Variants in POLD1 observed in about 807,000 individuals in gnomAD.
POLD1 encodes DNA polymerase delta 1, catalytic subunit, also known as DNA polymerase delta catalytic subunit.
Under a neutral mutation model 129.7 loss-of-function variants are expected in POLD1, and 79 were observed. The ratio of observed to expected loss-of-function variants is 0.61; its 90% CI spans 0.51 to 0.73. The LOEUF (loss-of-function observed/expected upper bound fraction) is 0.73. POLD1 is among the 30% of genes least tolerant of loss of function. The pLI is 0.00. For synonymous variants in POLD1, 714 were observed against 683.3 expected, an observed-to-expected ratio of 1.04 and a Z score of -0.70; for missense variants, 1,338 against 1,595.8, an observed-to-expected ratio of 0.84 and a Z score of 2.75.
rs745941251 is a variant in POLD1, at chr19:50,398,917, C to G, written c.66C>G (p.Leu22=). 1 of 1,598,296 alleles carries G rather than the reference C, an allele frequency of 6.3e-7. No homozygotes were observed. Among genetic ancestry groups the G allele is most frequent in the East Asian group, 2.3e-5 (1 of 44,402 alleles). Residue 22 remains leucine (L), a synonymous_variant, in exon 2 of 27, where the codon CTC becomes CTG. Transcript: ENST00000440232. ...CCCCAAAGCGGGCCCGTGGGGGCCT[C>G]TGGGATGATGATGATGCACCTCGGC... is the stretch of plus-strand genomic sequence containing the variant. The part of the protein sequence containing the change: ...GVPPKRARGG[L]WDDDDAPRPS...
intron 3 of POLD1, among the ~76,000 whole-genome samples, chr19:50,400,522 ATTT>A (rs1016107364): frequency 0.014 from 875 of 63,300 alleles, 5 homozygotes; most frequent in African/African-American, 0.069. Context: ...TGCCCCGCCT[ATTT>A]TTTTTTTTTT....
intron 20 of POLD1, 148 bp downstream of exon 20, chr19:50,415,138 G>T: frequency 1.4e-6 from 1 of 738,510 alleles, no homozygotes; most frequent in South Asian, 2.2e-5. Context: ...CGGGGTCAGG[G>T]CCCCCAGCCC....
At chr19:50,386,876 G>A (rs1369838387) in intron 1 of POLD1, among the ~76,000 whole-genome samples, 1 of 152,198 alleles carries the variant, frequency 6.6e-6, no homozygotes, top group East Asian at 1.9e-4. Flanking sequence ...GGGCAACATA[G>A]CAAGACCCTG....
chr19:50,407,075 G>A lies in POLD1; in HGVS notation c.1587G>A (p.Leu529=), dbSNP rs148226884. The A allele has an allele frequency of 3.1e-6, 5 of 1,613,832 alleles. No homozygotes were observed. The highest frequency in any genetic ancestry group is 4.2e-6 in the Non-Finnish European group (5 of 1,180,024). ...GGCTGCTGGAGCGGCTCATGGTGCTGGTGAACGCCGTGGAGATGGCGAGGG... is the reference window on the plus strand; with the variant it reads ...GGCTGCTGGAGCGGCTCATGGTGCTAGTGAACGCCGTGGAGATGGCGAGGG... ...PLRLLERLMV[L]VNAVEMARVT... is the part of the protein sequence containing the mutation. Residue 529 remains leucine (L), a synonymous_variant, in exon 13 of 27, where the codon CTG becomes CTA. Coordinates refer to ENST00000440232, the MANE Select transcript of POLD1 (RefSeq NM_002691.4).
chr19:50,409,634 G>T lies in POLD1; in HGVS notation c.2122G>T (p.Val708Leu). ...NSVYGFTGAQ[V>L]GKLPCLEISQ... ...CGTATACGGCTTCACTGGCGCCCAG[G>T]TGGGCAAGTTGCCGTGCCTGGAGAT... The change falls in exon 17 of 27, where the codon GTG becomes TTG. Residue 708 changes from valine (V) to leucine (L), a missense_variant. Physicochemically the swap from Val to Leu is conservative, Grantham distance 32. Around this residue, in one of 3 missense-constraint regions of POLD1, gnomAD observed 720 missense variants for 1,002.6 expected, o/e 0.72. Coordinates refer to ENST00000440232, the MANE Select transcript of POLD1 (RefSeq NM_002691.4). This position sits in a 1 kb window ranked among gnomAD's most constrained non-coding sequence, Gnocchi z 5.8. 1 of 1,607,552 alleles carries T rather than the reference G, an allele frequency of 6.2e-7. No homozygotes were observed. The highest frequency in any genetic ancestry group is 8.5e-7 in the Non-Finnish European group (1 of 1,175,486).
At chr19:50,402,563 G>T in intron 7 of POLD1, 28 bp downstream of exon 7, 1 of 1,577,752 alleles carries the variant, frequency 6.3e-7, no homozygotes, top group Middle Eastern at 1.8e-4. Flanking sequence ...GCAGGGCTGG[G>T]TGGGGAGCTG....
chr19:50,397,277 T>A (rs1422422513), intron 1 of POLD1, among the ~76,000 whole-genome samples: 2 of 151,700 alleles, frequency 1.3e-5, no homozygotes, highest in Non-Finnish European at 2.9e-5. Context: ...CGCGTGCTTG[T>A]AATCCCAGCT....
chr19:50,388,825 CTTTTT>C (rs34487979), intron 1 of POLD1, among the ~76,000 whole-genome samples: 5 of 88,854 alleles, frequency 5.6e-5, no homozygotes, highest in Admixed American at 1.5e-4. Context: ...GCAGTTAACT[CTTTTT>C]TTTTTTTTTT....
At chr19:50,416,762 AC>A (rs1419520913) in intron 24 of POLD1, 39 bp downstream of exon 24, 1 of 1,415,356 alleles carries the variant, frequency 7.1e-7, no homozygotes, top group South Asian at 1.2e-5. Context: ...CTGGCCCTCA[AC>A]CTGCTCTGCC....
chr19:50,415,667 G>GCCC, intron 21 of POLD1, 57 bp from the exon 22 acceptor site: 12 of 1,462,180 alleles, frequency 8.2e-6, no homozygotes, highest in Non-Finnish European at 1.1e-5. Flanking sequence ...CTACACCCTC[G>GCCC]CCCCCACCCC....
intron 22 of POLD1, 37 bp downstream of exon 22, chr19:50,415,863 C>T (rs2039268447): frequency 3.7e-6 from 5 of 1,354,560 alleles, no homozygotes; most frequent in Non-Finnish European, 5.0e-6. Context: ...CGCCCAGCCC[C>T]CTCGCTCTCA....
In POLD1 at chr19:50,385,686, C is replaced by T. The variant is rs575757335; in HGVS notation, c.-2+1296C>T. 9.7e-4 allele frequency among the ~76,000 whole-genome samples: 147 copies of T among 152,080 alleles called. 3 individuals are homozygous for T. In the South Asian group the frequency reaches 0.03, roughly 31 times the overall value. On this transcript the variant is annotated intron_variant, in intron 1 of 26. Transcript: ENST00000440232. ...TGGGATTACGGCACCCACTGCCATGCCCAGCTCATTTTTTGTATTTTTAGT... is the reference window on the plus strand; with the variant it reads ...TGGGATTACGGCACCCACTGCCATGTCCAGCTCATTTTTTGTATTTTTAGT...
chr19:50,402,697 C>T lies in POLD1; in HGVS notation c.926C>T (p.Pro309Leu), dbSNP rs1358095329. The T allele has an allele frequency of 6.2e-7, 1 of 1,600,408 alleles. No homozygotes were observed. The highest frequency in any genetic ancestry group is 8.5e-7 in the Non-Finnish European group (1 of 1,171,262). The change falls in exon 8 of 27, where the codon CCC (proline) becomes CTC (leucine). Residue 309 changes from proline to leucine, a missense_variant. Pro to Leu is a moderately conservative substitution (Grantham distance 98). Coordinates refer to ENST00000440232, the MANE Select transcript of POLD1 (RefSeq NM_002691.4). The part of the protein sequence containing the change: ...PPEGPWQRIA[P>L]LRVLSFDIEC... ...GAAGGGCCATGGCAGCGCATTGCGC[C>T]CTTGCGCGTGCTCAGCTTCGATATC...
Position 50,385,917 on chromosome 19 carries a change from C to G in POLD1, c.-2+1527C>G, listed in dbSNP as rs557602713. Among the ~76,000 whole-genome samples the G allele has an allele frequency of 6.6e-5, 10 of 152,170 alleles. No homozygotes were observed. The East Asian group carries it at 1.9e-3, about 29-fold the overall frequency. ...CTCCCCCTGAAATGCTCTTCCCTCT[C>G]TTATGTGTTTCTGACAGCTGCTGTT... On this transcript the variant is annotated intron_variant, in intron 1 of 26. Coordinates refer to ENST00000440232, the MANE Select transcript of POLD1 (RefSeq NM_002691.4).
Position 50,400,149 on chromosome 19 carries a change from T to TC in POLD1, c.316+665_316+666insC, listed in dbSNP as rs1339643118. 2.3e-5 allele frequency among the ~76,000 whole-genome samples: 3 copies of TC among 130,842 alleles called. No homozygotes were observed. The East Asian group carries it at 6.2e-4, about 27-fold the overall frequency. The allele number at this position is 130,842 out of a possible 152,430, so 85.8% of individuals were successfully genotyped here. A position where few individuals can be genotyped will look rare whatever the true frequency, so the allele number is the denominator to read the frequency against. ...TTTTAAAAGATTTTTTTTTTTTTTT[T>TC]TTTTTTTTTTTTGAGACAAGATTTT... On this transcript the variant is annotated intron_variant, in intron 3 of 26. Transcript: ENST00000440232.
In POLD1 at chr19:50,406,461, C is replaced by T. The variant is rs2038887146; in HGVS notation, c.1438C>T (p.His480Tyr). The change falls in exon 12 of 27, where the codon CAC (histidine) becomes TAC (tyrosine). Residue 480 changes from histidine (H) to tyrosine (Y), a missense_variant. Transcript: ENST00000440232. The surrounding 1 kb of genome is among the most constrained non-coding windows in gnomAD (Gnocchi z 5.5). ...RSYTLNAVSF[H>Y]FLGEQKEDVQ... Reference sequence around the variant, plus strand: ...CTACACGCTCAATGCCGTGAGCTTCCACTTCCTGGGCGAGCAGAAGGAGGA... The same window carrying T: ...CTACACGCTCAATGCCGTGAGCTTCTACTTCCTGGGCGAGCAGAAGGAGGA... 1.3e-6 allele frequency: 2 copies of T among 1,599,738 alleles called. No individual in the cohort carries two copies. The highest frequency in any genetic ancestry group is 1.7e-6 in the Non-Finnish European group (2 of 1,172,826).
At chr19:50,417,393 G>C (rs542768576) in intron 26 of POLD1, 124 bp downstream of exon 26, 9 of 655,436 alleles carry the variant, frequency 1.4e-5, no homozygotes, top group South Asian at 1.8e-5. Flanking sequence ...TCCCCTTCCA[G>C]CTGTGAGCTG....
chr19:50,416,342 C>A, intron 22 of POLD1, 54 bp from the exon 23 acceptor site: 1 of 1,535,820 alleles, frequency 6.5e-7, no homozygotes. Context: ...CACCCCGTGT[C>A]CACCCCGGTG....
In POLD1 at chr19:50,417,905, G is replaced by A. The variant is rs1446906202; in HGVS notation, c.3282G>A (p.Gln1094=). 1 of 1,611,898 alleles carries A rather than the reference G, an allele frequency of 6.2e-7. No homozygotes were observed. Among genetic ancestry groups the A allele is most frequent in the Non-Finnish European group, 8.5e-7 (1 of 1,179,166 alleles). Residue 1094 remains glutamine (Q), a synonymous_variant, in exon 27 of 27, where the codon CAG becomes CAA. Coordinates refer to ENST00000440232, the MANE Select transcript of POLD1 (RefSeq NM_002691.4). The stretch of plus-strand genomic sequence containing the variant: ...GGAAGGACCTGGAAGACCAGGAGCA[G>A]CTCCTGCGGCGCTTCGGACCCCCTG... The part of the protein sequence containing the change: ...KVRKDLEDQE[Q]LLRRFGPPGP...
Sources: gnomAD v4.1 joint callset for allele counts (sites outside exome capture counted in the v4.1 genomes callset) on GRCh38, gnomAD v4.1.1 for gene constraint, gnomAD v4.1.1 regional missense constraint, Gnocchi (gnomAD v3.1) non-coding constraint, MANE v1.5 for transcripts, NCBI Gene and HGNC (gene_info 2026-07-23, HGNC 2026-07-21) for gene names.